ADCY8: variants seen among roughly 807,000 people sequenced by gnomAD.
The protein encoded by ADCY8 is adenylate cyclase type 8.
A neutral mutation model predicts 119.7 loss-of-function variants in ADCY8; 51 were observed. That is an observed-to-expected ratio of 0.43 (90% CI 0.34 to 0.54). ADCY8 has a LOEUF of 0.54. ADCY8 is among the 20% of genes least tolerant of loss of function. ADCY8 has a pLI of 0.03. For missense variants in ADCY8, 1,383 were observed against 1,598.8 expected, an observed-to-expected ratio of 0.87 and a Z score of 2.30; for synonymous variants, 665 against 651.0, an observed-to-expected ratio of 1.02 and a Z score of -0.33.
intron 1 of ADCY8, among the ~76,000 whole-genome samples, chr8:131,015,393 C>A (rs1823439800): frequency 6.6e-6 from 1 of 152,058 alleles, no homozygotes; most frequent in Admixed American, 6.5e-5. Flanking sequence ...GCAGAGACCC[C>A]AAATGGTGAG....
At chr8:130,800,078 C>T (rs1815723473) in intron 15 of ADCY8, among the ~76,000 whole-genome samples, 1 of 152,140 alleles carries the variant, frequency 6.6e-6, no homozygotes, top group African/African-American at 2.4e-5. Context: ...TGGAGCAATG[C>T]CTGCTTCAGT....
intron 1 of ADCY8, among the ~76,000 whole-genome samples, chr8:130,997,077 G>C (rs1355328513): frequency 6.6e-6 from 1 of 152,092 alleles, no homozygotes; most frequent in South Asian, 2.1e-4. Context: ...ATTGTGGTCT[G>C]TGTAAACAAA....
intron 2 of ADCY8, among the ~76,000 whole-genome samples, chr8:130,954,186 T>C (rs1016794173): frequency 2.0e-5 from 3 of 152,232 alleles, no homozygotes; most frequent in South Asian, 4.1e-4. Context: ...ACTAGTGTTG[T>C]ATTACAGTGA....
At chr8:130,982,658 G>C (rs1280097777) in intron 2 of ADCY8, among the ~76,000 whole-genome samples, 1 of 151,850 alleles carries the variant, frequency 6.6e-6, no homozygotes, top group Non-Finnish European at 1.5e-5. Context: ...CTGTCCAATA[G>C]AAATACAATG....
chr8:131,040,486 G>T lies in ADCY8; in HGVS notation c.-153C>A. The T allele has an allele frequency of 1.0e-6, 1 of 962,926 alleles. No individual in the cohort carries two copies. Among genetic ancestry groups the T allele is most frequent in the Non-Finnish European group, 1.4e-6 (1 of 713,118 alleles). 59.6% of individuals were successfully genotyped at this position (962,926 alleles called of 1,614,324 possible). ...CAGGAGCCCTGCGCTAGGGCTCCCT[G>T]TAGGTCGGGTCATACTGTGCCCAGG... On this transcript the variant is annotated 5_prime_UTR_variant, in exon 1 of 18. Coordinates refer to ENST00000286355, the MANE Select transcript of ADCY8 (RefSeq NM_001115.3).
Position 131,040,265 on chromosome 8 carries a change from C to T in ADCY8, c.69G>A (p.Pro23=). The T allele has an allele frequency of 1.9e-6, 3 of 1,558,746 alleles. No individual in the cohort carries two copies. The highest frequency in any genetic ancestry group is 2.0e-4 in the Middle Eastern group (1 of 4,924). The change falls in exon 1 of 18, where the codon CCG becomes CCA. Residue 23 remains proline (P), a synonymous_variant. Coordinates refer to ENST00000286355, the MANE Select transcript of ADCY8 (RefSeq NM_001115.3). ...GGGAGGCGCTCCTGCCGTCGCCGGC[C>T]GGGGGCGTCGGGTGGATGGTGTAGA... The part of the protein sequence containing the change: ...EELYTIHPTP[P]AGDGRSASRP...
intron 5 of ADCY8, among the ~76,000 whole-genome samples, chr8:130,935,111 A>G (rs899010403): frequency 3.9e-5 from 6 of 152,198 alleles, no homozygotes; most frequent in Non-Finnish European, 7.3e-5. Context: ...TGCTGTCACT[A>G]TGGACACATG....
intron 1 of ADCY8, among the ~76,000 whole-genome samples, chr8:131,026,277 G>A (rs530356744): frequency 3.9e-5 from 6 of 152,236 alleles, no homozygotes; most frequent in Non-Finnish European, 5.9e-5. Flanking sequence ...GGACACAGTC[G>A]GAAGATGGCC....
Position 130,961,443 on chromosome 8 carries a change from A to T in ADCY8, c.1111-9445T>A, listed in dbSNP as rs533525985. ...TAAATCTTCATAAATCTCTTCATAA[A>T]TCTCTTTATGAAGAGATTTATGAGT... On this transcript the variant is annotated intron_variant, in intron 2 of 17. Coordinates refer to ENST00000286355, the MANE Select transcript of ADCY8 (RefSeq NM_001115.3). 1.8e-4 allele frequency among the ~76,000 whole-genome samples: 27 copies of T among 151,220 alleles called. No individual in the cohort carries two copies. In the South Asian group the frequency reaches 4.6e-3, roughly 26 times the overall value.
At chr8:130,780,987 A>G in intron 17 of ADCY8, 110 bp from the exon 18 acceptor site, 1 of 1,434,016 alleles carries the variant, frequency 7.0e-7, no homozygotes, top group Non-Finnish European at 9.5e-7. Context: ...CTGTGGATGA[A>G]CGGGAGGGTC....
chr8:130,852,402 A>G (rs1817562247), intron 9 of ADCY8, among the ~76,000 whole-genome samples: 1 of 152,088 alleles, frequency 6.6e-6, no homozygotes, highest in Admixed American at 6.5e-5. Context: ...TTCCCTCCAA[A>G]CAGGCTGGAA....
At chr8:130,906,245 T>C (rs753819006) in intron 6 of ADCY8, among the ~76,000 whole-genome samples, 2 of 152,204 alleles carry the variant, frequency 1.3e-5, no homozygotes, top group African/African-American at 2.4e-5. Flanking sequence ...GAAATGGAAG[T>C]CCCCATCCGC....
chr8:130,891,099 C>T (rs987739093), intron 7 of ADCY8, among the ~76,000 whole-genome samples: 4 of 152,100 alleles, frequency 2.6e-5, no homozygotes, highest in Admixed American at 2.0e-4. Context: ...TAGGTAGGGC[C>T]AGTAGTTTCC....
intron 12 of ADCY8, among the ~76,000 whole-genome samples, chr8:130,833,690 G>T (rs907304881): frequency 1.3e-5 from 2 of 152,106 alleles, no homozygotes; most frequent in African/African-American, 4.8e-5. Context: ...TGGTATTTTG[G>T]TTATTGGCCA....
chr8:130,829,813 G>T (rs1439876948), intron 12 of ADCY8, among the ~76,000 whole-genome samples: 1 of 152,172 alleles, frequency 6.6e-6, no homozygotes, highest in Non-Finnish European at 1.5e-5. Context: ...TATCCTAAAA[G>T]GAATGTTACT....
intron 3 of ADCY8, 141 bp downstream of exon 3, chr8:130,951,727 T>C (rs1443767730): frequency 1.0e-6 from 1 of 984,988 alleles, no homozygotes; most frequent in Non-Finnish European, 1.5e-6. Context: ...CTCTGATGAA[T>C]AATCACTAGG....
chr8:130,820,808 C>A (rs1407600786), intron 13 of ADCY8, among the ~76,000 whole-genome samples: 1 of 152,182 alleles, frequency 6.6e-6, no homozygotes, highest in African/African-American at 2.4e-5. Flanking sequence ...TTATTATAAA[C>A]AATGCAAGTC....
chr8:130,901,723 A>T (rs1216340841), intron 7 of ADCY8, among the ~76,000 whole-genome samples: 1 of 152,204 alleles, frequency 6.6e-6, no homozygotes, highest in African/African-American at 2.4e-5. Context: ...GCACGCGGTT[A>T]TTCATGAATA....
At chr8:130,868,158 G>A (rs1396111676) in intron 8 of ADCY8, among the ~76,000 whole-genome samples, 4 of 152,148 alleles carry the variant, frequency 2.6e-5, no homozygotes, top group South Asian at 4.1e-4. Flanking sequence ...GGGATACTTT[G>A]CATGAGCTTA....
Sources: allele counts gnomAD v4.1 joint callset (sites outside exome capture counted in the v4.1 genomes callset), GRCh38; gene constraint gnomAD v4.1.1; transcripts MANE v1.5; gene names NCBI Gene and HGNC (gene_info 2026-07-23, HGNC 2026-07-21).